Variants in EVI5 observed in about 807,000 individuals in gnomAD.
EVI5 encodes the protein ecotropic viral integration site 5, also known as ecotropic viral integration site 5 protein homolog.
EVI5 carries 73 observed loss-of-function variants against 112.0 expected under a neutral mutation model. That is an observed-to-expected ratio of 0.65 (90% CI 0.54 to 0.79). EVI5 has a LOEUF of 0.79. Among genes scored for constraint, EVI5 ranks in the 30% least tolerant of loss-of-function variants. EVI5 has a pLI of 0.00. For synonymous variants in EVI5, 305 were observed against 319.9 expected, an observed-to-expected ratio of 0.95 and a Z score of 0.50; for missense variants, 900 against 968.8, an observed-to-expected ratio of 0.93 and a Z score of 0.94.
intron 1 of EVI5, among the ~76,000 whole-genome samples, chr1:92,790,823 CAAA>C (rs796844421): frequency 5.6e-5 from 7 of 124,172 alleles, no homozygotes; most frequent in Non-Finnish European, 3.4e-5. Context: ...GATCCTGTCT[CAAA>C]AAAAAAAAAA....
At chr1:92,552,470 C>G (rs1362933133) in intron 19 of EVI5, among the ~76,000 whole-genome samples, 1 of 152,168 alleles carries the variant, frequency 6.6e-6, no homozygotes, top group African/African-American at 2.4e-5. Context: ...TTTTCCCCAC[C>G]AAACTAAAAG....
At chr1:92,707,047 C>A (rs1171611733) in intron 2 of EVI5, among the ~76,000 whole-genome samples, 1 of 151,924 alleles carries the variant, frequency 6.6e-6, no homozygotes, top group African/African-American at 2.4e-5. Context: ...GGCATGGTGG[C>A]ACATGCCTGT....
At chr1:92,667,169 C>A (rs1348066822) in intron 10 of EVI5, among the ~76,000 whole-genome samples, 2 of 152,092 alleles carry the variant, frequency 1.3e-5, no homozygotes, top group Admixed American at 6.6e-5. Flanking sequence ...CCTGTAGTCC[C>A]AGCTATTCAG....
At chr1:92,721,249 T>C (rs556049313) in intron 2 of EVI5, among the ~76,000 whole-genome samples, 5 of 152,228 alleles carry the variant, frequency 3.3e-5, no homozygotes, top group African/African-American at 1.2e-4. Context: ...GCGGCACTAT[T>C]CACAATAGCA....
intron 19 of EVI5, among the ~76,000 whole-genome samples, chr1:92,532,019 AG>A (rs1474483556): frequency 6.6e-6 from 1 of 152,188 alleles, no homozygotes; most frequent in African/African-American, 2.4e-5. Flanking sequence ...AAGACCCATC[AG>A]TGTGCTGTAT....
At chr1:92,610,157 G>A (rs964102265) in intron 16 of EVI5, among the ~76,000 whole-genome samples, 1 of 152,080 alleles carries the variant, frequency 6.6e-6, no homozygotes, top group Non-Finnish European at 1.5e-5. Flanking sequence ...AAAATCCTGC[G>A]ATCACAGGCA....
intron 6 of EVI5, among the ~76,000 whole-genome samples, chr1:92,697,331 T>G (rs1670477588): frequency 6.6e-6 from 1 of 152,158 alleles, no homozygotes. Flanking sequence ...ATTTTTCCCT[T>G]GATTTTGATT....
intron 10 of EVI5, among the ~76,000 whole-genome samples, chr1:92,673,785 T>C (rs1666257891): frequency 6.6e-6 from 1 of 152,336 alleles, no homozygotes. Context: ...AAAATCTTCC[T>C]ATAACACTTT....
At chr1:92,610,655 C>T (rs1651550192) in intron 16 of EVI5, among the ~76,000 whole-genome samples, 2 of 151,854 alleles carry the variant, frequency 1.3e-5, no homozygotes, top group Admixed American at 1.3e-4. Flanking sequence ...TAAATACAGC[C>T]ACTGAATTCA....
intron 1 of EVI5, among the ~76,000 whole-genome samples, chr1:92,757,374 T>C (rs1172924518): frequency 7.2e-6 from 1 of 139,348 alleles, no homozygotes; most frequent in East Asian, 2.1e-4. Flanking sequence ...TCTTTTATGA[T>C]GTAAAGTACT....
Position 92,565,223 on chromosome 1 carries a change from A to T in EVI5, c.2071-1486T>A, listed in dbSNP as rs370352532. Among the ~76,000 whole-genome samples, 22 of 152,144 alleles carry T rather than the reference A, an allele frequency of 1.4e-4. 1 individual carries two copies. In the East Asian group the frequency reaches 1.9e-3, roughly 13 times the overall value. On this transcript the variant is annotated intron_variant, in intron 18 of 19. Transcript: ENST00000684568. The stretch of plus-strand genomic sequence containing the variant: ...AACAGTTTTTTGGTGTAGTCTTTCC[A>T]CGATATTTTACACATATATAATCAA...
chr1:92,653,292 G>A (rs933440967), intron 13 of EVI5, among the ~76,000 whole-genome samples: 6 of 152,120 alleles, frequency 3.9e-5, no homozygotes, highest in Non-Finnish European at 5.9e-5. Flanking sequence ...AGGGTTCCTC[G>A]GCAACTGCTG....
In EVI5 at chr1:92,575,155, AAAT is replaced by A. The variant is rs572856662; in HGVS notation, c.2071-11421_2071-11419del. On this transcript the variant is annotated intron_variant, in intron 18 of 19. Coordinates refer to ENST00000684568, the MANE Select transcript of EVI5 (RefSeq NM_001350197.2). ...ACTTTTCAAATCTATAGAAGAGCAG[AAAT>A]AATAGTACAATGACACCCATATACC... Among the ~76,000 whole-genome samples, 126 of 152,336 alleles carry A rather than the reference AAAT, an allele frequency of 8.3e-4. 1 individual carries two copies. Among genetic ancestry groups the A allele is most frequent in the South Asian group, 2.7e-3 (13 of 4,830 alleles).
chr1:92,666,073 A>T, intron 10 of EVI5, 81 bp from the exon 11 acceptor site: 3 of 827,824 alleles, frequency 3.6e-6, no homozygotes, highest in South Asian at 3.0e-5. Context: ...CTGAAAATGT[A>T]TCACCTTTTA....
intron 18 of EVI5, among the ~76,000 whole-genome samples, chr1:92,564,141 T>A (rs10465756): frequency 3.9e-5 from 6 of 152,004 alleles, no homozygotes; most frequent in Non-Finnish European, 7.4e-5. Context: ...CAGGCTGGTC[T>A]CAAACTTCTG....
chr1:92,511,005 A>G lies in EVI5; in HGVS notation c.*2651T>C, dbSNP rs1177265731. 1.3e-5 allele frequency: 2 copies of G among 152,196 alleles called. No individual in the cohort carries two copies. The highest frequency in any genetic ancestry group is 4.8e-5 in the African/African-American group (2 of 41,454). 9.4% of individuals were successfully genotyped at this position (152,196 alleles called of 1,614,324 possible). Reference sequence around the variant, plus strand: ...GCTGATAGTATAGAACTCCGAACAAAAATCCCCAAAGCACAAGACAATCCT... The same window carrying G: ...GCTGATAGTATAGAACTCCGAACAAGAATCCCCAAAGCACAAGACAATCCT... On this transcript the variant is annotated 3_prime_UTR_variant, in exon 20 of 20. Transcript: ENST00000684568.
chr1:92,697,793 T>A, intron 6 of EVI5, 67 bp downstream of exon 6: 1 of 1,303,126 alleles, frequency 7.7e-7, no homozygotes, highest in Non-Finnish European at 1.1e-6. Flanking sequence ...TTTGCTTAGT[T>A]GGCACTCAGA....
chr1:92,602,575 T>TA (rs1473771554), intron 18 of EVI5, among the ~76,000 whole-genome samples: 1 of 152,116 alleles, frequency 6.6e-6, no homozygotes, highest in Non-Finnish European at 1.5e-5. Flanking sequence ...AGCTAATTTT[T>TA]AAAAATTGTT....
intron 19 of EVI5, among the ~76,000 whole-genome samples, chr1:92,519,365 A>T (rs1355310491): frequency 6.6e-6 from 1 of 152,208 alleles, no homozygotes; most frequent in Non-Finnish European, 1.5e-5. Context: ...AGAAGATGAA[A>T]TTCATAGAAC....
Sources: gnomAD v4.1 joint callset for allele counts (sites outside exome capture counted in the v4.1 genomes callset) on GRCh38, gnomAD v4.1.1 for gene constraint, MANE v1.5 for transcripts, NCBI Gene and HGNC (gene_info 2026-07-23, HGNC 2026-07-21) for gene names.